BTBD9: variants seen among roughly 807,000 people sequenced by gnomAD.
BTBD9 encodes the protein BTB/POZ domain-containing protein 9.
BTBD9 carries 49 observed loss-of-function variants against 64.3 expected under a neutral mutation model. The ratio of observed to expected loss-of-function variants is 0.76; its 90% CI spans 0.61 to 0.97. The LOEUF is 0.97. BTBD9 is among the 50% of genes least tolerant of loss of function. The pLI, the probability that BTBD9 is intolerant of heterozygous loss-of-function variation, is 0.00. For synonymous variants in BTBD9, 260 were observed against 274.7 expected (o/e 0.95, Z 0.53); for missense variants, 598 against 762.1 (o/e 0.78, Z 2.53).
At chr6:38,628,696 A>AAT in intron 1 of BTBD9, among the ~76,000 whole-genome samples, 1 of 152,304 alleles carries the variant, frequency 6.6e-6, no homozygotes, top group South Asian at 2.1e-4. Context: ...CATGGTTTTT[A>AAT]ATATAGATAT....
intron 1 of BTBD9, among the ~76,000 whole-genome samples, chr6:38,636,726 C>T (rs1237107330): frequency 6.6e-6 from 1 of 152,166 alleles, no homozygotes; most frequent in African/African-American, 2.4e-5. Context: ...TATGGCTCTC[C>T]ACTGCCAATG....
chr6:38,192,374 G>A (rs539288115), intron 10 of BTBD9, 145 bp downstream of exon 10: 75 of 682,890 alleles, frequency 1.1e-4, no homozygotes, highest in Non-Finnish European at 1.8e-4. Flanking sequence ...ACCCCACTGT[G>A]CAACTGCAGG....
intron 6 of BTBD9, among the ~76,000 whole-genome samples, chr6:38,358,150 A>G (rs1036712245): frequency 1.3e-5 from 2 of 151,984 alleles, no homozygotes; most frequent in African/African-American, 2.4e-5. Flanking sequence ...GTTTATCTTG[A>G]TAACTGTGGA....
intron 9 of BTBD9, among the ~76,000 whole-genome samples, chr6:38,221,759 G>A (rs1442884616): frequency 2.0e-5 from 3 of 152,332 alleles, no homozygotes; most frequent in South Asian, 4.1e-4. Flanking sequence ...TTGGTAGGCC[G>A]AGGCAGGCGA....
chr6:38,562,282 T>A (rs1263176972), intron 6 of BTBD9, among the ~76,000 whole-genome samples: 1 of 152,202 alleles, frequency 6.6e-6, no homozygotes, highest in African/African-American at 2.4e-5. Context: ...AGTTTCTTCC[T>A]CCTGAATCCG....
chr6:38,491,529 T>C (rs1771702282), intron 6 of BTBD9, among the ~76,000 whole-genome samples: 2 of 152,244 alleles, frequency 1.3e-5, no homozygotes, highest in African/African-American at 4.8e-5. Context: ...TTAGTAGTTA[T>C]TTATCCTTTC....
At chr6:38,370,780 T>C (rs988757484) in intron 6 of BTBD9, among the ~76,000 whole-genome samples, 12 of 152,252 alleles carry the variant, frequency 7.9e-5, no homozygotes, top group Non-Finnish European at 1.6e-4. Flanking sequence ...CAAATGTCTC[T>C]ACTCTATTAA....
intron 10 of BTBD9, among the ~76,000 whole-genome samples, chr6:38,180,244 G>A (rs540842950): frequency 6.6e-6 from 1 of 152,346 alleles, no homozygotes; most frequent in African/African-American, 2.4e-5. Context: ...TTGGGAGCGG[G>A]AGTGAAAAGC....
At chr6:38,637,418 CAGA>C (rs1418247641) in intron 1 of BTBD9, among the ~76,000 whole-genome samples, 17 of 152,334 alleles carry the variant, frequency 1.1e-4, no homozygotes, top group African/African-American at 3.8e-4. Context: ...TTTCACATAA[CAGA>C]AGATGTTATA....
At chr6:38,617,933 C>A (rs1028751543) in intron 1 of BTBD9, among the ~76,000 whole-genome samples, 2 of 152,046 alleles carry the variant, frequency 1.3e-5, no homozygotes, top group Admixed American at 1.3e-4. Context: ...AGAGGAAAGG[C>A]AAGGGTGCAG....
At chr6:38,447,933 A>T (rs778937027) in intron 6 of BTBD9, among the ~76,000 whole-genome samples, 1 of 152,216 alleles carries the variant, frequency 6.6e-6, no homozygotes, top group Non-Finnish European at 1.5e-5. Flanking sequence ...ATACGTGGAC[A>T]TTTGGTCCTC....
At chr6:38,602,691 CTTTG>C (rs1332753510) in intron 1 of BTBD9, among the ~76,000 whole-genome samples, 2 of 151,102 alleles carry the variant, frequency 1.3e-5, no homozygotes, top group Admixed American at 6.6e-5. Context: ...AAATAAATTG[CTTTG>C]TTTGTGAGAT....
chr6:38,602,997 C>T (rs900165505), intron 1 of BTBD9, among the ~76,000 whole-genome samples: 1 of 152,088 alleles, frequency 6.6e-6, no homozygotes, highest in Non-Finnish European at 1.5e-5. Flanking sequence ...AGACTTAAGG[C>T]AGATTTTCCC....
chr6:38,280,398 CAAGG>C (rs930038326), intron 8 of BTBD9, among the ~76,000 whole-genome samples: 1 of 152,188 alleles, frequency 6.6e-6, no homozygotes, highest in Non-Finnish European at 1.5e-5. Context: ...ATCAGTGAGA[CAAGG>C]AAGAATTCCT....
chr6:38,218,314 G>T (rs925218516), intron 9 of BTBD9, among the ~76,000 whole-genome samples: 2 of 152,090 alleles, frequency 1.3e-5, no homozygotes, highest in African/African-American at 2.4e-5. Context: ...AGCAGATTGC[G>T]GACAACTTTG....
chr6:38,287,651 G>T (rs1761795806), intron 8 of BTBD9, among the ~76,000 whole-genome samples: 1 of 152,118 alleles, frequency 6.6e-6, no homozygotes, highest in Non-Finnish European at 1.5e-5. Context: ...GTTTGTGTAA[G>T]GACACTCTAT....
chr6:38,285,922 T>C (rs897369253), intron 8 of BTBD9, among the ~76,000 whole-genome samples: 6 of 152,196 alleles, frequency 3.9e-5, no homozygotes, highest in Non-Finnish European at 8.8e-5. Flanking sequence ...ATGGAAAATA[T>C]AGAGGTTTCA....
At chr6:38,512,219 C>T (rs1019510446) in intron 6 of BTBD9, among the ~76,000 whole-genome samples, 3 of 152,074 alleles carry the variant, frequency 2.0e-5, no homozygotes, top group African/African-American at 4.8e-5. Context: ...GTGATCTGCC[C>T]GCCTCGGCCT....
chr6:38,443,187 A>G (rs1214908919), intron 6 of BTBD9, among the ~76,000 whole-genome samples: 1 of 152,214 alleles, frequency 6.6e-6, no homozygotes, highest in Non-Finnish European at 1.5e-5. Flanking sequence ...ATCAGAGAAG[A>G]AAAATTCAGG....
Sources: gnomAD v4.1 joint callset for allele counts (sites outside exome capture counted in the v4.1 genomes callset) on GRCh38, gnomAD v4.1.1 for gene constraint, MANE v1.5 for transcripts, NCBI Gene and HGNC (gene_info 2026-07-23, HGNC 2026-07-21) for gene names.